BRINP2: variants seen among roughly 807,000 people sequenced by gnomAD.
BRINP2 encodes the protein BMP/retinoic acid inducible neural specific 2.
BRINP2 carries 21 observed loss-of-function variants against 69.2 expected under a neutral mutation model. That is an observed-to-expected ratio of 0.30 (90% CI 0.22 to 0.44). The LOEUF is 0.44. Among genes scored for constraint, BRINP2 ranks in the 20% least tolerant of loss-of-function variants. BRINP2 has a pLI of 1.00. For synonymous variants in BRINP2, 380 were observed against 394.1 expected, an observed-to-expected ratio of 0.96 and a Z score of 0.42; for missense variants, 877 against 986.0, an observed-to-expected ratio of 0.89 and a Z score of 1.48.
chr1:177,256,682 G>C (rs536339101), intron 3 of BRINP2: 1 of 1,043,486 alleles, frequency 9.6e-7, no homozygotes, highest in African/African-American at 1.7e-5. Flanking sequence ...AAGGAAGCAG[G>C]ATTTATTATA....
At chr1:177,202,632 A>G (rs1371064621) in intron 1 of BRINP2, among the ~76,000 whole-genome samples, 1 of 152,144 alleles carries the variant, frequency 6.6e-6, no homozygotes, top group Non-Finnish European at 1.5e-5. Context: ...CTATGTGGTC[A>G]ATTTTGGAAT....
Position 177,229,801 on chromosome 1 carries a change from C to T in BRINP2, c.-76C>T. 6.7e-7 allele frequency: 1 copy of T among 1,502,578 alleles called. No homozygotes were observed. Among genetic ancestry groups the T allele is most frequent in the Non-Finnish European group, 8.9e-7 (1 of 1,122,900 alleles). 93.1% of individuals were successfully genotyped at this position (1,502,578 alleles called of 1,614,324 possible). On this transcript the variant is annotated splice_region_variant and 5_prime_UTR_variant, in exon 2 of 8. Transcript: ENST00000361539. ...GACAATGCCTTTTGTACTTTTCCAG[C>T]TCCGAGCCCTGGAGGAGCAGCACGG...
At chr1:177,212,063 A>G (rs1331870128) in intron 1 of BRINP2, among the ~76,000 whole-genome samples, 3 of 114,002 alleles carry the variant, frequency 2.6e-5, no homozygotes, top group Non-Finnish European at 5.7e-5. Context: ...ATCTCTATAG[A>G]CACAGATAGA....
At position 177,188,388 on chromosome 1, in the gene BRINP2, C is replaced by G. The variant is rs1203235469; in HGVS notation, c.-77+16656C>G. On this transcript the variant is annotated intron_variant, in intron 1 of 7. Coordinates refer to ENST00000361539, the MANE Select transcript of BRINP2 (RefSeq NM_021165.4). The stretch of plus-strand genomic sequence containing the variant: ...GTGGAAGACAAGCAATAAACAACAA[C>G]AAGAAAAAAAACATAATTAATGAGT... 5.9e-5 allele frequency among the ~76,000 whole-genome samples: 9 copies of G among 151,420 alleles called. 1 individual carries two copies. In the South Asian group the frequency reaches 1.5e-3, roughly 25 times the overall value.
chr1:177,254,529 A>G lies in BRINP2; in HGVS notation c.270-1390A>G, dbSNP rs147848999. ...TGAAATGGGAAGTGCACATAAAGCA[A>G]ATCTGAGGCTACTTAAGTACTATAA... On this transcript the variant is annotated intron_variant, in intron 2 of 7. Coordinates refer to ENST00000361539, the MANE Select transcript of BRINP2 (RefSeq NM_021165.4). 6.0e-3 allele frequency among the ~76,000 whole-genome samples: 918 copies of G among 152,220 alleles called. 13 individuals carry two copies. The highest frequency in any genetic ancestry group is 0.021 in the African/African-American group (886 of 41,528).
intron 1 of BRINP2, among the ~76,000 whole-genome samples, chr1:177,200,246 T>G (rs1648863691): frequency 8.8e-6 from 1 of 114,272 alleles, no homozygotes; most frequent in South Asian, 2.8e-4. Context: ...GAGCTGAGAT[T>G]GCGCCCTTGC....
intron 1 of BRINP2, among the ~76,000 whole-genome samples, chr1:177,218,593 C>T (rs1032697733): frequency 2.6e-5 from 4 of 152,090 alleles, no homozygotes; most frequent in Non-Finnish European, 5.9e-5. Flanking sequence ...TCCCCATTTC[C>T]AATGAGGTGA....
chr1:177,217,999 T>A (rs1222537146), intron 1 of BRINP2, among the ~76,000 whole-genome samples: 2 of 152,202 alleles, frequency 1.3e-5, no homozygotes, highest in African/African-American at 4.8e-5. Context: ...GACTAACTGC[T>A]ATGGTCAGTA....
chr1:177,269,649 C>G (rs1651241246), intron 4 of BRINP2, among the ~76,000 whole-genome samples: 2 of 152,204 alleles, frequency 1.3e-5, no homozygotes, highest in South Asian at 4.1e-4. Flanking sequence ...TCCCATCCCT[C>G]TGATTGCTCA....
intron 1 of BRINP2, among the ~76,000 whole-genome samples, chr1:177,193,660 C>T (rs986918541): frequency 6.6e-6 from 1 of 152,166 alleles, no homozygotes; most frequent in Admixed American, 6.5e-5. Context: ...TTGAGCCATG[C>T]CACTAAAGCG....
chr1:177,262,819 A>G (rs1233072019), intron 4 of BRINP2, among the ~76,000 whole-genome samples: 2 of 152,204 alleles, frequency 1.3e-5, no homozygotes, highest in Admixed American at 6.5e-5. Flanking sequence ...GTCTTTTGAG[A>G]ATAAGAGCTA....
chr1:177,236,182 G>A (rs1206578365), intron 2 of BRINP2, among the ~76,000 whole-genome samples: 1 of 152,192 alleles, frequency 6.6e-6, no homozygotes, highest in Non-Finnish European at 1.5e-5. Flanking sequence ...CACAGGTCCT[G>A]TAACATAAAT....
At chr1:177,274,674 G>T (rs1651439343) in intron 5 of BRINP2, among the ~76,000 whole-genome samples, 1 of 152,158 alleles carries the variant, frequency 6.6e-6, no homozygotes, top group African/African-American at 2.4e-5. Flanking sequence ...ACATTTGTCG[G>T]GGCACTGATT....
chr1:177,194,713 CAT>C (rs1648689730), intron 1 of BRINP2, among the ~76,000 whole-genome samples: 1 of 152,032 alleles, frequency 6.6e-6, no homozygotes, highest in Non-Finnish European at 1.5e-5. Context: ...ATGGGTGTCT[CAT>C]ACACATTTGC....
chr1:177,239,147 C>T (rs904331649), intron 2 of BRINP2, among the ~76,000 whole-genome samples: 2 of 152,172 alleles, frequency 1.3e-5, no homozygotes, highest in Admixed American at 6.5e-5. Context: ...TTAGGCAGCC[C>T]GGTAGGTCTT....
chr1:177,242,526 G>C (rs986735788), intron 2 of BRINP2, among the ~76,000 whole-genome samples: 4 of 152,012 alleles, frequency 2.6e-5, no homozygotes, highest in Non-Finnish European at 1.5e-5. Flanking sequence ...TCTCCTCTGA[G>C]CTCCTTCTCA....
At chr1:177,280,321 C>T (rs567769287) in intron 7 of BRINP2, 91 bp from the exon 8 acceptor site, 43 of 1,285,734 alleles carry the variant, frequency 3.3e-5, no homozygotes, top group East Asian at 9.3e-5. Context: ...TTGCCTTCCA[C>T]GCCTAGTGGT....
At chr1:177,215,363 A>G (rs1332102841) in intron 1 of BRINP2, among the ~76,000 whole-genome samples, 1 of 152,162 alleles carries the variant, frequency 6.6e-6, no homozygotes, top group Non-Finnish European at 1.5e-5. Context: ...TTTTCACAAC[A>G]TTTATTCTTT....
chr1:177,180,957 A>G (rs1053065098), intron 1 of BRINP2, among the ~76,000 whole-genome samples: 14 of 152,330 alleles, frequency 9.2e-5, no homozygotes, highest in African/African-American at 3.4e-4. Flanking sequence ...TTCAATGTCT[A>G]TGAATGAGCG....
Sources: allele counts gnomAD v4.1 joint callset (sites outside exome capture counted in the v4.1 genomes callset), GRCh38; gene constraint gnomAD v4.1.1; transcripts MANE v1.5; gene names NCBI Gene and HGNC (gene_info 2026-07-23, HGNC 2026-07-21).